CNTNAP5: variants seen among roughly 807,000 people sequenced by gnomAD.
CNTNAP5 encodes contactin-associated protein-like 5.
CNTNAP5 carries 72 observed loss-of-function variants against 150.2 expected under a neutral mutation model. That is an observed-to-expected ratio of 0.48 (90% CI 0.40 to 0.58). The LOEUF is 0.58. Among genes scored for constraint, CNTNAP5 ranks in the 20% least tolerant of loss-of-function variants. The pLI is 0.00. For synonymous variants in CNTNAP5, 672 were observed against 619.8 expected (o/e 1.08, Z -1.25); for missense variants, 1,636 against 1,626.2 (o/e 1.01, Z -0.10).
rs140797401 is a variant in CNTNAP5 at position 124,874,168 on chromosome 2, G to A, written c.3436+4406G>A. ...TTGATGCTCAAATCCATCAAGTTAC[G>A]GGATATTGCAAGGTTTATTCTTTGG... On this transcript the variant is annotated intron_variant, in intron 21 of 23. Coordinates refer to ENST00000682447, the MANE Select transcript of CNTNAP5 (RefSeq NM_001367498.1). Among the ~76,000 whole-genome samples, 308 of 152,110 alleles carry A rather than the reference G, an allele frequency of 2.0e-3. 2 individuals are homozygous for A. Among genetic ancestry groups the A allele is most frequent in the African/African-American group, 6.8e-3 (281 of 41,538 alleles).
intron 13 of CNTNAP5, among the ~76,000 whole-genome samples, chr2:124,685,453 T>G: frequency 1.1e-5 from 1 of 89,920 alleles, no homozygotes; most frequent in South Asian, 2.9e-4. Flanking sequence ...CCTTGTAGGT[T>G]ATGCATCTGA....
chr2:124,151,595 T>G (rs1684406791), intron 1 of CNTNAP5, among the ~76,000 whole-genome samples: 1 of 152,242 alleles, frequency 6.6e-6, no homozygotes, highest in Non-Finnish European at 1.5e-5. Flanking sequence ...TCTTCTCTGT[T>G]GTCTTTGTCA....
intron 11 of CNTNAP5, among the ~76,000 whole-genome samples, chr2:124,589,447 T>C (rs1450805573): frequency 3.9e-5 from 6 of 152,230 alleles, no homozygotes; most frequent in Non-Finnish European, 5.9e-5. Flanking sequence ...TTTTGGGTTG[T>C]TTCCACTTTT....
intron 1 of CNTNAP5, among the ~76,000 whole-genome samples, chr2:124,053,591 A>G (rs1405512997): frequency 3.3e-5 from 5 of 152,332 alleles, no homozygotes; most frequent in Admixed American, 3.3e-4. Flanking sequence ...TCTTCAGCTG[A>G]GAAAACCATG....
intron 4 of CNTNAP5, among the ~76,000 whole-genome samples, chr2:124,433,234 A>AG (rs111295183): frequency 3.0e-4 from 46 of 152,202 alleles, no homozygotes; most frequent in African/African-American, 1.0e-3. Flanking sequence ...TGAGGTAGGG[A>AG]GGGGAGGTGC....
At position 124,889,010 on chromosome 2, in the gene CNTNAP5, T is replaced by C. The variant is rs550899085; in HGVS notation, c.3437-13872T>C. Among the ~76,000 whole-genome samples the C allele has an allele frequency of 3.3e-5, 5 of 152,018 alleles. No individual in the cohort carries two copies. The South Asian group carries it at 1.0e-3, about 32-fold the overall frequency. On this transcript the variant is annotated intron_variant, in intron 21 of 23. Transcript: ENST00000682447. ...TTTGAGGATGTGGTCATAAATTATTTGTCAAGTCTAATGTCTGAAATGGTG... is the reference window on the plus strand; with the variant it reads ...TTTGAGGATGTGGTCATAAATTATTCGTCAAGTCTAATGTCTGAAATGGTG...
At chr2:124,224,278 G>T (rs576298402) in intron 2 of CNTNAP5, among the ~76,000 whole-genome samples, 1 of 152,168 alleles carries the variant, frequency 6.6e-6, no homozygotes, top group South Asian at 2.1e-4. Context: ...CATTGTTCTA[G>T]ATCCTTGACA....
chr2:124,630,738 A>G (rs1300839390), intron 12 of CNTNAP5, among the ~76,000 whole-genome samples: 4 of 152,184 alleles, frequency 2.6e-5, no homozygotes, highest in African/African-American at 9.7e-5. Flanking sequence ...GCAATCAGGC[A>G]AGAGAAAGAA....
chr2:124,083,919 A>G (rs1266777912), intron 1 of CNTNAP5, among the ~76,000 whole-genome samples: 3 of 152,076 alleles, frequency 2.0e-5, no homozygotes, highest in Non-Finnish European at 4.4e-5. Context: ...TGAATACAAA[A>G]ATATCTTGCT....
At chr2:124,842,772 T>G (rs1682970129) in intron 19 of CNTNAP5, among the ~76,000 whole-genome samples, 1 of 152,148 alleles carries the variant, frequency 6.6e-6, no homozygotes, top group South Asian at 2.1e-4. Context: ...TTTTCAAGGT[T>G]GTTTTTGAAT....
intron 13 of CNTNAP5, among the ~76,000 whole-genome samples, chr2:124,674,170 T>C (rs1336424289): frequency 6.6e-6 from 1 of 152,196 alleles, no homozygotes; most frequent in Non-Finnish European, 1.5e-5. Flanking sequence ...AATAATCTAC[T>C]TTTAGTCTTA....
chr2:124,911,884 A>G (rs915046821), intron 23 of CNTNAP5, among the ~76,000 whole-genome samples: 4 of 152,082 alleles, frequency 2.6e-5, no homozygotes, highest in Non-Finnish European at 5.9e-5. Flanking sequence ...ATAAAACTAA[A>G]TTCGGGGAAG....
chr2:124,675,672 A>T (rs183897329), intron 13 of CNTNAP5, among the ~76,000 whole-genome samples: 1 of 152,268 alleles, frequency 6.6e-6, no homozygotes, highest in East Asian at 1.9e-4. Flanking sequence ...ATTACAATGC[A>T]ATTTACATCT....
intron 21 of CNTNAP5, among the ~76,000 whole-genome samples, chr2:124,896,439 G>T (rs1205274277): frequency 6.6e-6 from 1 of 151,548 alleles, no homozygotes; most frequent in Non-Finnish European, 1.5e-5. Context: ...TCTTGAAAAG[G>T]ACAGCCTTTC....
intron 13 of CNTNAP5, among the ~76,000 whole-genome samples, chr2:124,672,219 C>G (rs1678839196): frequency 6.6e-6 from 1 of 152,134 alleles, no homozygotes; most frequent in Admixed American, 6.5e-5. Context: ...CCTAATCTTA[C>G]AAGGACACCA....
chr2:124,599,881 C>T (rs1020391339), intron 11 of CNTNAP5, among the ~76,000 whole-genome samples: 3 of 151,362 alleles, frequency 2.0e-5, no homozygotes, highest in Admixed American at 6.6e-5. Flanking sequence ...AGGAACAGGT[C>T]GATTTAAATT....
At position 124,915,899 on chromosome 2, in the gene CNTNAP5, G is replaced by C. The variant is rs772591956; in HGVS notation, c.*1611G>C. On this transcript the variant is annotated 3_prime_UTR_variant, in exon 24 of 24. Transcript: ENST00000682447. ...GGAAATGCTCATGTAATGATTCTTAGGTGTGGAAAATACTTGCTGATTCTC... is the reference window on the plus strand; with the variant it reads ...GGAAATGCTCATGTAATGATTCTTACGTGTGGAAAATACTTGCTGATTCTC... 6.6e-6 allele frequency among the ~76,000 whole-genome samples: 1 copy of C among 152,126 alleles called. No homozygotes were observed. The highest frequency in any genetic ancestry group is 1.5e-5 in the Non-Finnish European group (1 of 67,938).
At chr2:124,084,986 A>C (rs1209747385) in intron 1 of CNTNAP5, among the ~76,000 whole-genome samples, 2 of 120,108 alleles carry the variant, frequency 1.7e-5, no homozygotes, top group Non-Finnish European at 3.2e-5. Context: ...CAGTGGCGTG[A>C]TCTCGGCTCA....
intron 3 of CNTNAP5, among the ~76,000 whole-genome samples, chr2:124,413,303 C>T (rs983014397): frequency 6.6e-6 from 1 of 151,412 alleles, no homozygotes; most frequent in Non-Finnish European, 1.5e-5. Flanking sequence ...CCAGTTCAAC[C>T]ATTGTGGAAG....
Sources: allele counts gnomAD v4.1 joint callset (sites outside exome capture counted in the v4.1 genomes callset), GRCh38; gene constraint gnomAD v4.1.1; transcripts MANE v1.5; gene names NCBI Gene and HGNC (gene_info 2026-07-23, HGNC 2026-07-21).